The following GRXCR1 variants were observed in gnomAD, a reference collection of about 807,000 sequenced individuals.
The protein encoded by GRXCR1 is glutaredoxin domain-containing cysteine-rich protein 1.
A neutral mutation model predicts 27.3 loss-of-function variants in GRXCR1; 27 were observed. The observed-to-expected ratio is 0.99, with a 90% CI of 0.73 to 1.37. GRXCR1 has a LOEUF of 1.37. GRXCR1 is among the 40% of genes most tolerant of loss of function. The pLI is 0.00. For missense variants in GRXCR1, 379 were observed against 354.4 expected, an observed-to-expected ratio of 1.07 and a Z score of -0.56; for synonymous variants, 122 against 131.1, an observed-to-expected ratio of 0.93 and a Z score of 0.47.
At chr4:42,926,564 G>T (rs1747163096) in intron 1 of GRXCR1, among the ~76,000 whole-genome samples, 2 of 151,184 alleles carry the variant, frequency 1.3e-5, no homozygotes, top group Non-Finnish European at 3.0e-5. Context: ...TGTTACATTT[G>T]AATGCTTAGT....
At chr4:43,029,588 T>C (rs1407388636) in intron 3 of GRXCR1, among the ~76,000 whole-genome samples, 2 of 152,194 alleles carry the variant, frequency 1.3e-5, no homozygotes, top group Non-Finnish European at 1.5e-5. Context: ...TTTAAAAGTA[T>C]TACTCTCAAC....
chr4:42,989,611 A>G (rs957784355), intron 2 of GRXCR1, among the ~76,000 whole-genome samples: 1 of 152,190 alleles, frequency 6.6e-6, no homozygotes, highest in South Asian at 2.1e-4. Context: ...AACTGGGTGT[A>G]GAACTTCATT....
chr4:42,959,444 A>T (rs1245175401), intron 1 of GRXCR1, among the ~76,000 whole-genome samples: 1 of 151,764 alleles, frequency 6.6e-6, no homozygotes, highest in African/African-American at 2.4e-5. Context: ...GAAGGGAAGA[A>T]GGGGGATATA....
chr4:42,932,899 G>A (rs1393527375), intron 1 of GRXCR1, among the ~76,000 whole-genome samples: 1 of 151,600 alleles, frequency 6.6e-6, no homozygotes, highest in African/African-American at 2.4e-5. Flanking sequence ...CCTTGAGGTG[G>A]AGAGGAAATA....
chr4:43,022,147 A>C (rs1315351593), intron 3 of GRXCR1, among the ~76,000 whole-genome samples: 1 of 152,172 alleles, frequency 6.6e-6, no homozygotes, highest in Non-Finnish European at 1.5e-5. Context: ...GTTTATGTGT[A>C]TTATTCTCTG....
chr4:42,916,028 G>A (rs924968441), intron 1 of GRXCR1, among the ~76,000 whole-genome samples: 1 of 149,772 alleles, frequency 6.7e-6, no homozygotes, highest in African/African-American at 2.5e-5. Context: ...TACTAATCTA[G>A]TATAAGAATA....
At chr4:42,922,945 A>G (rs1450918) in intron 1 of GRXCR1, among the ~76,000 whole-genome samples, 105,514 of 151,946 alleles carry the variant, frequency 0.69, 37,054 homozygotes, top group Non-Finnish European at 0.72. Flanking sequence ...GTGCCCTTCC[A>G]TCACCTTGCC....
At chr4:42,988,575 TTATAAG>T (rs1330800615) in intron 2 of GRXCR1, among the ~76,000 whole-genome samples, 1 of 152,232 alleles carries the variant, frequency 6.6e-6, no homozygotes, top group Non-Finnish European at 1.5e-5. Context: ...AAATGTTCAG[TTATAAG>T]TATATTTTTC....
At chr4:42,931,476 A>T (rs1028358172) in intron 1 of GRXCR1, among the ~76,000 whole-genome samples, 8 of 151,818 alleles carry the variant, frequency 5.3e-5, no homozygotes, top group African/African-American at 1.9e-4. Flanking sequence ...ATAAAATGTA[A>T]CCTTGTGATA....
chr4:42,932,615 TATATAGAGAGAG>T (rs1308344528), intron 1 of GRXCR1, among the ~76,000 whole-genome samples: 33 of 33,934 alleles, frequency 9.7e-4, no homozygotes, highest in South Asian at 3.1e-3. Flanking sequence ...TATATATATA[TATATAGAGAGAG>T]AGAGAGAGAG....
intron 1 of GRXCR1, among the ~76,000 whole-genome samples, chr4:42,906,830 A>T (rs1408517298): frequency 6.6e-6 from 1 of 152,182 alleles, no homozygotes; most frequent in African/African-American, 2.4e-5. Context: ...TTTACATGAG[A>T]TAAACTGACA....
intron 1 of GRXCR1, among the ~76,000 whole-genome samples, chr4:42,899,508 C>T (rs2109737062): frequency 6.6e-6 from 1 of 152,238 alleles, no homozygotes; most frequent in African/African-American, 2.4e-5. Flanking sequence ...ATTCCTCAGG[C>T]CAATGCTTAT....
chr4:42,974,668 T>C (rs1265634346), intron 2 of GRXCR1, among the ~76,000 whole-genome samples: 2 of 152,102 alleles, frequency 1.3e-5, no homozygotes, highest in African/African-American at 2.4e-5. Flanking sequence ...ACCACTCTTA[T>C]TGCTTCCTGC....
intron 2 of GRXCR1, among the ~76,000 whole-genome samples, chr4:42,972,400 T>G (rs893017400): frequency 6.6e-6 from 1 of 152,290 alleles, no homozygotes; most frequent in African/African-American, 2.4e-5. Context: ...GCTTTGTTGT[T>G]TAAAGCCACG....
intron 1 of GRXCR1, among the ~76,000 whole-genome samples, chr4:42,915,358 A>G (rs934214584): frequency 4.0e-4 from 61 of 152,140 alleles, no homozygotes; most frequent in African/African-American, 1.4e-3. Context: ...TTTTCATTTC[A>G]CTTGCACTGA....
intron 1 of GRXCR1, among the ~76,000 whole-genome samples, chr4:42,922,267 C>T (rs1747032759): frequency 6.6e-6 from 1 of 152,092 alleles, no homozygotes; most frequent in African/African-American, 2.4e-5. Context: ...GCCTCCTGGT[C>T]TGTCTGTGGC....
At chr4:42,893,748 A>G in intron 1 of GRXCR1, 98 bp downstream of exon 1, 1 of 1,120,196 alleles carries the variant, frequency 8.9e-7, no homozygotes, top group Non-Finnish European at 1.3e-6. Flanking sequence ...CTTATTTGCA[A>G]CTCCTACATG....
At chr4:42,933,320 G>T (rs184188031) in intron 1 of GRXCR1, among the ~76,000 whole-genome samples, 24 of 151,932 alleles carry the variant, frequency 1.6e-4, no homozygotes, top group African/African-American at 5.5e-4. Flanking sequence ...GCTTGAACCC[G>T]CTAGCTGGAG....
At chr4:42,951,454 A>G (rs967188036) in intron 1 of GRXCR1, among the ~76,000 whole-genome samples, 5 of 152,186 alleles carry the variant, frequency 3.3e-5, no homozygotes, top group Admixed American at 1.3e-4. Flanking sequence ...TTTTCTTTGC[A>G]CAGCAACATT....
Sources: allele counts gnomAD v4.1 joint callset (sites outside exome capture counted in the v4.1 genomes callset), GRCh38; gene constraint gnomAD v4.1.1; transcripts MANE v1.5; gene names NCBI Gene and HGNC (gene_info 2026-07-23, HGNC 2026-07-21).